Variants in KIAA0825 observed in about 807,000 individuals in gnomAD.
KIAA0825 encodes the protein uncharacterized protein KIAA0825.
In KIAA0825, 119 loss-of-function variants were observed where a neutral mutation model predicts 147.6. The observed-to-expected ratio is 0.81, with a 90% CI of 0.69 to 0.94. KIAA0825 has a LOEUF of 0.94. KIAA0825 is among the 40% of genes least tolerant of loss of function. The probability of loss-of-function intolerance (pLI) is 0.00; values close to 1 mark genes in which losing one functional copy is unlikely to be tolerated. For synonymous variants in KIAA0825, 470 were observed against 518.1 expected, an observed-to-expected ratio of 0.91 and a Z score of 1.26; for missense variants, 1,381 against 1,472.7, an observed-to-expected ratio of 0.94 and a Z score of 1.02.
chr5:94,308,635 G>A lies in KIAA0825; in HGVS notation c.3710+75733C>T, dbSNP rs76457322. On this transcript the variant is annotated intron_variant, in intron 20 of 20. Transcript: ENST00000682413. ...CATGTTTTAAAATGAGATTGTTGAT[G>A]ATTCATTCAGTCAATAAATAGAGTG... Among the ~76,000 whole-genome samples, 1,367 of 151,892 alleles carry A rather than the reference G, an allele frequency of 9.0e-3. 19 individuals carry two copies. The highest frequency in any genetic ancestry group is 0.032 in the African/African-American group (1,310 of 41,506).
At position 94,317,270 on chromosome 5, in the gene KIAA0825, C is replaced by T. The variant is rs182386360; in HGVS notation, c.3710+67098G>A. On this transcript the variant is annotated intron_variant, in intron 20 of 20. Transcript: ENST00000682413. ...AACTATCCATAAGTGATGTTACATACGACTCACCAGAGTACCATATTACCA... is the reference window on the plus strand; with the variant it reads ...AACTATCCATAAGTGATGTTACATATGACTCACCAGAGTACCATATTACCA... Among the ~76,000 whole-genome samples the T allele has an allele frequency of 1.8e-4, 27 of 151,932 alleles. No individual in the cohort carries two copies. The South Asian group carries it at 2.3e-3, about 13-fold the overall frequency.
chr5:94,581,939 G>A (rs149667208), intron 2 of KIAA0825, among the ~76,000 whole-genome samples: 13 of 152,322 alleles, frequency 8.5e-5, no homozygotes, highest in African/African-American at 2.9e-4. Flanking sequence ...CCCTTTCAGA[G>A]TCTGAGTGTT....
At chr5:94,601,910 A>G (rs1786530006) in intron 1 of KIAA0825, among the ~76,000 whole-genome samples, 1 of 152,238 alleles carries the variant, frequency 6.6e-6, no homozygotes, top group South Asian at 2.1e-4. Flanking sequence ...GATCAAATCT[A>G]TGACTGACTG....
intron 1 of KIAA0825, among the ~76,000 whole-genome samples, chr5:94,617,631 A>T (rs994941657): frequency 3.9e-5 from 6 of 152,230 alleles, no homozygotes; most frequent in African/African-American, 1.4e-4. Context: ...GGAGGTAATT[A>T]TCTAAATATA....
chr5:94,416,487 G>A (rs1439155653), intron 15 of KIAA0825: 4 of 152,014 alleles, frequency 2.6e-5, no homozygotes, highest in Admixed American at 2.6e-4. Context: ...TTGAATAGCA[G>A]GATAATAATA....
intron 16 of KIAA0825, among the ~76,000 whole-genome samples, chr5:94,401,571 C>T (rs1441415773): frequency 1.3e-5 from 2 of 152,134 alleles, no homozygotes; most frequent in African/African-American, 2.4e-5. Flanking sequence ...CATGGCACCC[C>T]TGCTCTTCCC....
chr5:94,471,134 A>G (rs535444191), intron 9 of KIAA0825, among the ~76,000 whole-genome samples: 1 of 152,354 alleles, frequency 6.6e-6, no homozygotes, highest in African/African-American at 2.4e-5. Context: ...CAGTGTGGTC[A>G]GTATAATGCA....
chr5:94,321,137 G>A (rs575240807), intron 20 of KIAA0825, among the ~76,000 whole-genome samples: 1 of 151,966 alleles, frequency 6.6e-6, no homozygotes, highest in South Asian at 2.1e-4. Context: ...AACTATAAAT[G>A]GCCTACTACT....
chr5:94,304,509 A>G (rs548966724), intron 20 of KIAA0825, among the ~76,000 whole-genome samples: 14 of 151,866 alleles, frequency 9.2e-5, no homozygotes, highest in African/African-American at 3.1e-4. Context: ...AGATCAGAAG[A>G]CTCGCCGAAT....
intron 20 of KIAA0825, among the ~76,000 whole-genome samples, chr5:94,263,153 C>T (rs918001280): frequency 6.6e-6 from 1 of 152,082 alleles, no homozygotes; most frequent in African/African-American, 2.4e-5. Context: ...AATATAAAAA[C>T]CAAGACATCC....
chr5:94,364,660 G>A (rs565960782), intron 20 of KIAA0825, among the ~76,000 whole-genome samples: 2 of 152,194 alleles, frequency 1.3e-5, no homozygotes, highest in East Asian at 1.9e-4. Flanking sequence ...GGGATTAATG[G>A]TCATTCTCCA....
chr5:94,154,158 A>C (rs1766814627), intron 20 of KIAA0825, 34 bp from the exon 21 acceptor site: 2 of 1,358,494 alleles, frequency 1.5e-6, no homozygotes, highest in African/African-American at 2.9e-5. Flanking sequence ...CATTTTTGTA[A>C]CTTTCAAACC....
rs372765706 is a variant in KIAA0825, at chr5:94,184,012, A to G, written c.3711-29888T>C. On this transcript the variant is annotated intron_variant, in intron 20 of 20. Transcript: ENST00000682413. Reference sequence around the variant, plus strand: ...CCCACCACTTGTGATTGGCATCCAAAATGAGGGGCAATCTTGTAGGACTGA... The same window carrying G: ...CCCACCACTTGTGATTGGCATCCAAGATGAGGGGCAATCTTGTAGGACTGA... Among the ~76,000 whole-genome samples, 3 of 152,242 alleles carry G rather than the reference A, an allele frequency of 2.0e-5. No homozygotes were observed. In the East Asian group the frequency reaches 5.8e-4, roughly 29 times the overall value.
chr5:94,408,329 AT>A (rs1200087581), intron 15 of KIAA0825, among the ~76,000 whole-genome samples: 1 of 151,492 alleles, frequency 6.6e-6, no homozygotes, highest in East Asian at 1.9e-4. Flanking sequence ...CCTTTTTTAA[AT>A]TTTATTTTAT....
intron 20 of KIAA0825, among the ~76,000 whole-genome samples, chr5:94,343,524 C>T (rs1263611751): frequency 6.6e-6 from 1 of 152,080 alleles, no homozygotes; most frequent in African/African-American, 2.4e-5. Flanking sequence ...CCAGTCTCTA[C>T]TAAAAACACA....
intron 7 of KIAA0825, among the ~76,000 whole-genome samples, chr5:94,475,473 T>C (rs561100162): frequency 6.2e-4 from 95 of 152,282 alleles, no homozygotes; most frequent in African/African-American, 2.3e-3. Flanking sequence ...AATTCTCTTT[T>C]CAAATATAGA....
chr5:94,279,188 T>C (rs558206469), intron 20 of KIAA0825, among the ~76,000 whole-genome samples: 3 of 152,196 alleles, frequency 2.0e-5, no homozygotes, highest in Non-Finnish European at 2.9e-5. Context: ...TATTTATACA[T>C]TATGTGGTAT....
chr5:94,311,447 C>T (rs1315853784), intron 20 of KIAA0825, among the ~76,000 whole-genome samples: 1 of 151,484 alleles, frequency 6.6e-6, no homozygotes, highest in Non-Finnish European at 1.5e-5. Flanking sequence ...TCAAAAAGGA[C>T]ATTCTTTAAA....
At chr5:94,190,584 T>C (rs1261829) in intron 20 of KIAA0825, among the ~76,000 whole-genome samples, 2 of 150,814 alleles carry the variant, frequency 1.3e-5, no homozygotes, top group Non-Finnish European at 2.9e-5. Flanking sequence ...TTGAGTATGG[T>C]ATTAGCTGTA....
Sources: gnomAD v4.1 joint callset for allele counts (sites outside exome capture counted in the v4.1 genomes callset) on GRCh38, gnomAD v4.1.1 for gene constraint, MANE v1.5 for transcripts, NCBI Gene and HGNC (gene_info 2026-07-23, HGNC 2026-07-21) for gene names.